UNC79: variants seen among roughly 807,000 people sequenced by gnomAD.
UNC79 encodes the protein protein unc-79 homolog.
UNC79 carries 37 observed loss-of-function variants against 283.1 expected under a neutral mutation model. That is an observed-to-expected ratio of 0.13 (90% CI 0.10 to 0.17). The LOEUF is 0.17. Ranked by LOEUF, UNC79 falls within the 10% of genes least tolerant of loss-of-function variation. UNC79 has a pLI of 1.00. For synonymous variants in UNC79, 1,107 were observed against 1,200.2 expected (o/e 0.92, Z 1.61); for missense variants, 2,272 against 3,211.1 (o/e 0.71, Z 7.07).
chr14:93,399,393 T>C (rs2055062463), intron 1 of UNC79, among the ~76,000 whole-genome samples: 1 of 152,182 alleles, frequency 6.6e-6, no homozygotes, highest in Admixed American at 6.5e-5. Flanking sequence ...CGAGCACAAT[T>C]ATGTAAGACT....
chr14:93,374,018 A>C (rs1207337973), intron 1 of UNC79, among the ~76,000 whole-genome samples: 1 of 152,110 alleles, frequency 6.6e-6, no homozygotes, highest in Non-Finnish European at 1.5e-5. Context: ...CTCCACCCAG[A>C]TTTCAAAAGA....
At position 93,513,769 on chromosome 14, in the gene UNC79, T is replaced by C. The variant is rs1353816947; in HGVS notation, c.899-10209T>C. On this transcript the variant is annotated intron_variant, in intron 7 of 48. Transcript: ENST00000555664. ...CTCTACTATCAAATATTGGAACTTA[T>C]TCCTTCTATCTGTTTGTACCTGTTA... Among the ~76,000 whole-genome samples, 11 of 152,232 alleles carry C rather than the reference T, an allele frequency of 7.2e-5. No homozygotes were observed. The East Asian group carries it at 1.7e-3, about 24-fold the overall frequency.
At position 93,512,961 on chromosome 14, in the gene UNC79, G is replaced by A. The variant is rs114565125; in HGVS notation, c.899-11017G>A. Among the ~76,000 whole-genome samples, 704 of 151,956 alleles carry A rather than the reference G, an allele frequency of 4.6e-3. 3 individuals carry two copies. The highest frequency in any genetic ancestry group is 0.016 in the African/African-American group (669 of 41,340). On this transcript the variant is annotated intron_variant, in intron 7 of 48. Coordinates refer to ENST00000555664, the Ensembl canonical transcript of UNC79. The stretch of plus-strand genomic sequence containing the variant: ...GTATGATGGACATTGTAAAGAATAT[G>A]TTGTAGAGACTCTGAACTATTTTAT...
chr14:93,541,695 T>C (rs889877678), intron 13 of UNC79, among the ~76,000 whole-genome samples: 3 of 152,162 alleles, frequency 2.0e-5, no homozygotes, highest in Non-Finnish European at 4.4e-5. Context: ...AGTAAATGAA[T>C]GAATGATGTT....
At chr14:93,558,593 A>ATTTTTTTTTTTTT (rs71129647) in intron 14 of UNC79, among the ~76,000 whole-genome samples, 12 of 62,770 alleles carry the variant, frequency 1.9e-4, no homozygotes, top group African/African-American at 6.6e-4. Flanking sequence ...AGAAACAGGG[A>ATTTTTTTTTTTTT]TTTTTTTTTT....
At chr14:93,661,188 G>C (rs1354556599) in intron 39 of UNC79, among the ~76,000 whole-genome samples, 1 of 152,078 alleles carries the variant, frequency 6.6e-6, no homozygotes, top group East Asian at 1.9e-4. Flanking sequence ...TATATTTATT[G>C]GGTTGTTATT....
intron 1 of UNC79, among the ~76,000 whole-genome samples, chr14:93,397,448 G>T (rs11850311): frequency 0.084 from 12,776 of 152,240 alleles, 588 homozygotes; most frequent in Middle Eastern, 0.14. Context: ...ACTTGATCCT[G>T]TCCTCTCCAG....
At chr14:93,579,214 T>C (rs185032572) in intron 18 of UNC79, among the ~76,000 whole-genome samples, 55 of 152,360 alleles carry the variant, frequency 3.6e-4, no homozygotes, top group Non-Finnish European at 1.8e-4. Context: ...ATTACTGTGA[T>C]GATAACTTTG....
intron 47 of UNC79, among the ~76,000 whole-genome samples, chr14:93,698,611 G>C (rs2075325035): frequency 6.7e-6 from 1 of 148,390 alleles, no homozygotes; most frequent in Admixed American, 7.0e-5. Context: ...TTAGTCTCCT[G>C]AGTAGCTGGG....
At chr14:93,404,493 A>AAAATATATATATAT in intron 1 of UNC79, among the ~76,000 whole-genome samples, 1 of 61,508 alleles carries the variant, frequency 1.6e-5, no homozygotes, top group African/African-American at 6.7e-5. Context: ...TTCTAAAAAA[A>AAAATATATATATAT]ATATATATAT....
intron 31 of UNC79, among the ~76,000 whole-genome samples, chr14:93,632,835 A>G (rs1284979870): frequency 6.6e-6 from 1 of 152,180 alleles, no homozygotes; most frequent in Non-Finnish European, 1.5e-5. Flanking sequence ...CAAAGTCATG[A>G]TTGATCTAGA....
chr14:93,506,458 T>C (rs1217717077), intron 7 of UNC79, among the ~76,000 whole-genome samples: 1 of 152,158 alleles, frequency 6.6e-6, no homozygotes, highest in Non-Finnish European at 1.5e-5. Flanking sequence ...GCAGTCATTT[T>C]ATTTTTCATA....
intron 27 of UNC79, among the ~76,000 whole-genome samples, chr14:93,614,005 A>T (rs933139173): frequency 2.0e-5 from 3 of 151,592 alleles, no homozygotes; most frequent in African/African-American, 4.8e-5. Context: ...ACATTTATCT[A>T]TTAAAATTGC....
At chr14:93,369,477 A>G (rs1056947000) in intron 1 of UNC79, among the ~76,000 whole-genome samples, 33 of 152,232 alleles carry the variant, frequency 2.2e-4, no homozygotes, top group Non-Finnish European at 4.3e-4. Context: ...AGCAGAGCAC[A>G]CTGCTGCTTC....
At chr14:93,655,592 G>A (rs1245624965) in intron 38 of UNC79, among the ~76,000 whole-genome samples, 185 bp downstream of exon 41, 1 of 151,176 alleles carries the variant, frequency 6.6e-6, no homozygotes, top group African/African-American at 2.4e-5. Flanking sequence ...ACAGGAATGT[G>A]GAGTGAGCAT....
intron 1 of UNC79, among the ~76,000 whole-genome samples, chr14:93,422,949 G>A (rs2055630580): frequency 6.6e-6 from 1 of 151,152 alleles, no homozygotes; most frequent in Non-Finnish European, 1.5e-5. Flanking sequence ...TGTAGTCCCA[G>A]CTACTCAGGA....
At chr14:93,429,601 C>G (rs1221468910), upstream of UNC79, among the ~76,000 whole-genome samples, 5 of 152,264 alleles carry the variant, frequency 3.3e-5, no homozygotes, top group African/African-American at 4.8e-5. Context: ...TGATATATTA[C>G]ACAGAATTTA....
At chr14:93,333,580 G>A (rs930412897) in intron 1 of UNC79, 3 of 395,622 alleles carry the variant, frequency 7.6e-6, no homozygotes, top group Non-Finnish European at 1.3e-5. Context: ...TTGTGTAGTA[G>A]GTTAAAAAAT....
At chr14:93,351,412 TAAAA>T (rs1416352519) in intron 1 of UNC79, among the ~76,000 whole-genome samples, 4 of 152,206 alleles carry the variant, frequency 2.6e-5, no homozygotes, top group African/African-American at 4.8e-5. Flanking sequence ...ATTCTTGAAA[TAAAA>T]AATAAATAAA....
Sources: gnomAD v4.1 joint callset for allele counts (sites outside exome capture counted in the v4.1 genomes callset) on GRCh38, gnomAD v4.1.1 for gene constraint, MANE v1.5 for transcripts, NCBI Gene and HGNC (gene_info 2026-07-23, HGNC 2026-07-21) for gene names.